Variants in LMO7 observed in about 807,000 individuals in gnomAD.
The protein encoded by LMO7 is LIM domain only protein 7.
A neutral mutation model predicts 206.5 loss-of-function variants in LMO7; 120 were observed. The observed-to-expected ratio is 0.58, with a 90% CI of 0.50 to 0.68. The LOEUF is 0.68. LMO7 is among the 30% of genes least tolerant of loss of function. The pLI, the probability that LMO7 is intolerant of heterozygous loss-of-function variation, is 0.00. For synonymous variants in LMO7, 706 were observed against 681.5 expected (o/e 1.04, Z -0.56); for missense variants, 1,959 against 1,957.9 (o/e 1.00, Z -0.01).
At chr13:75,688,194 A>G (rs969921314) in intron 1 of LMO7, among the ~76,000 whole-genome samples, 1 of 152,310 alleles carries the variant, frequency 6.6e-6, no homozygotes, top group South Asian at 2.1e-4. Flanking sequence ...GCATGAGAGC[A>G]GAGTAACACA....
At chr13:75,855,193 G>A (rs2060827799) in intron 28 of LMO7, 67 bp from the exon 29 acceptor site, 1 of 902,962 alleles carries the variant, frequency 1.1e-6, no homozygotes, top group East Asian at 2.4e-5. Flanking sequence ...AGCAGAGTGT[G>A]ACTTTTAAAG....
chr13:75,628,244 A>C (rs904081136), intron 2 of LMO7: 5 of 152,248 alleles, frequency 3.3e-5, no homozygotes, highest in African/African-American at 1.2e-4. Flanking sequence ...GCTGCACTGG[A>C]AACTTCCTGG....
At chr13:75,779,174 T>A (rs1320806950) in intron 4 of LMO7, among the ~76,000 whole-genome samples, 1 of 152,072 alleles carries the variant, frequency 6.6e-6, no homozygotes, top group African/African-American at 2.4e-5. Context: ...TGTGGAAAGG[T>A]GTGCAGGCTT....
At chr13:75,791,407 T>C (rs117913382) in intron 4 of LMO7, among the ~76,000 whole-genome samples, 2,469 of 152,324 alleles carry the variant, frequency 0.016, 34 homozygotes, top group Middle Eastern at 0.031. Context: ...TCTGACATTG[T>C]ATGAGTATTG....
chr13:75,758,290 A>G (rs1161479247), intron 3 of LMO7, among the ~76,000 whole-genome samples: 1 of 152,148 alleles, frequency 6.6e-6, no homozygotes, highest in Non-Finnish European at 1.5e-5. Context: ...TGAAGTTTTA[A>G]CTGTCATGAA....
intron 1 of LMO7, among the ~76,000 whole-genome samples, chr13:75,706,610 C>T (rs983888430): frequency 6.6e-6 from 1 of 152,146 alleles, no homozygotes; most frequent in East Asian, 1.9e-4. Context: ...CATGCACACA[C>T]ACAGTCATTA....
At chr13:75,633,649 T>G (rs1478485759), upstream of LMO7, among the ~76,000 whole-genome samples, 1 of 152,026 alleles carries the variant, frequency 6.6e-6, no homozygotes, top group East Asian at 1.9e-4. Flanking sequence ...GAGTCTCTTT[T>G]GGGTTAAAAA....
Position 75,627,987 on chromosome 13 carries a change from G to A in LMO7, c.225+4667G>A, listed in dbSNP as rs545981267. 5 of 151,588 alleles carry A rather than the reference G, an allele frequency of 3.3e-5. No homozygotes were observed. In the East Asian group the frequency reaches 7.7e-4, roughly 23 times the overall value. 9.4% of individuals were successfully genotyped at this position (151,588 alleles called of 1,614,324 possible). ...AAAAAACACAAAAACCTCAAAAAAA[G>A]CTCTTAAGATCTTTATAGTAGGAAG... On this transcript the variant is annotated intron_variant, in intron 2 of 29. Transcript: ENST00000341547.
chr13:75,710,065 T>C (rs372654622), intron 1 of LMO7, among the ~76,000 whole-genome samples: 48 of 152,198 alleles, frequency 3.2e-4, no homozygotes, highest in Middle Eastern at 3.4e-3. Flanking sequence ...AATCCTTTCC[T>C]CATTTCTTGT....
In LMO7 at chr13:75,813,125, A is replaced by G. The variant is rs142588004; in HGVS notation, c.1946+3942A>G. On this transcript the variant is annotated intron_variant, in intron 11 of 30. Transcript: ENST00000377534. Reference sequence around the variant, plus strand: ...CTGCTTGGCGAGGTTGCTGGCACACAGTAAGCACTCAGAAGCTGAATATTA... The same window carrying G: ...CTGCTTGGCGAGGTTGCTGGCACACGGTAAGCACTCAGAAGCTGAATATTA... 4.1e-3 allele frequency among the ~76,000 whole-genome samples: 627 copies of G among 152,338 alleles called. 6 individuals are homozygous for G. Among genetic ancestry groups the G allele is most frequent in the African/African-American group, 0.013 (554 of 41,584 alleles).
At chr13:75,674,935 T>C (rs1243638651) in intron 1 of LMO7, among the ~76,000 whole-genome samples, 1 of 152,244 alleles carries the variant, frequency 6.6e-6, no homozygotes. Flanking sequence ...TTGAAATTAC[T>C]GGATTAAATC....
intron 6 of LMO7, 62 bp from the exon 7 acceptor site, chr13:75,800,622 G>T: frequency 6.9e-7 from 1 of 1,455,422 alleles, no homozygotes; most frequent in South Asian, 1.2e-5. Context: ...AGTAATAACC[G>T]ATTGATTATA....
In LMO7 at chr13:75,817,284, T is replaced by A. The variant is rs780036328; in HGVS notation, c.2064+6T>A. 3 of 1,567,700 alleles carry A rather than the reference T, an allele frequency of 1.9e-6. No homozygotes were observed. The East Asian group carries it at 6.7e-5, about 35-fold the overall frequency. ...AAGATCAGAAATGGCAGGATGTGAG[T>A]ATTTTGGGGATTGGAGGGGAGAGAG... On this transcript the variant is annotated splice_donor_region_variant and intron_variant, in intron 12 of 30. Coordinates refer to ENST00000377534, the MANE Select transcript of LMO7 (RefSeq NM_001306080.2).
At chr13:75,734,030 C>A (rs1270400033) in intron 3 of LMO7, among the ~76,000 whole-genome samples, 1 of 152,190 alleles carries the variant, frequency 6.6e-6, no homozygotes, top group Non-Finnish European at 1.5e-5. Flanking sequence ...AGTGCATTTC[C>A]AAAATAGTCA....
chr13:75,686,412 A>G (rs1045149885), intron 1 of LMO7, among the ~76,000 whole-genome samples: 1 of 152,088 alleles, frequency 6.6e-6, no homozygotes, highest in Non-Finnish European at 1.5e-5. Context: ...CACATGATTC[A>G]ATTATCTCCC....
At chr13:75,693,060 A>C (rs2041620881) in intron 1 of LMO7, among the ~76,000 whole-genome samples, 1 of 152,212 alleles carries the variant, frequency 6.6e-6, no homozygotes, top group Non-Finnish European at 1.5e-5. Context: ...AGTGTCAGGA[A>C]GTGGCATATA....
chr13:75,755,072 T>A (rs946117366), intron 3 of LMO7, among the ~76,000 whole-genome samples: 2 of 152,138 alleles, frequency 1.3e-5, no homozygotes, highest in Non-Finnish European at 2.9e-5. Flanking sequence ...ATTCCAACAC[T>A]GAAGGGTCAG....
At chr13:75,689,542 G>A (rs2041284132) in intron 1 of LMO7, among the ~76,000 whole-genome samples, 1 of 152,174 alleles carries the variant, frequency 6.6e-6, no homozygotes, top group African/African-American at 2.4e-5. Flanking sequence ...TAACATTTGA[G>A]TCAGTGGGCT....
chr13:75,849,172 G>A lies in LMO7; in HGVS notation c.4244G>A (p.Arg1415Lys). Reference protein sequence around the residue: ...EQVPSGAELERQQILQEMRKR... With the variant: ...EQVPSGAELEKQQILQEMRKR... ...GTACCATCAGGAGCAGAATTGGAGA[G>A]GCAACAAATCCTTCAGGAAATGAGG... Residue 1415 changes from arginine to lysine, a missense_variant, in exon 27 of 31, where the codon AGG (arginine) becomes AAG (lysine). Transcript: ENST00000377534. 1 of 1,613,958 alleles carries A rather than the reference G, an allele frequency of 6.2e-7. No homozygotes were observed. Among genetic ancestry groups the A allele is most frequent in the Non-Finnish European group, 8.5e-7 (1 of 1,179,850 alleles).
Sources: gnomAD v4.1 joint callset for allele counts (sites outside exome capture counted in the v4.1 genomes callset) on GRCh38, gnomAD v4.1.1 for gene constraint, MANE v1.5 for transcripts, NCBI Gene and HGNC (gene_info 2026-07-23, HGNC 2026-07-21) for gene names.